SEC63: variants seen among roughly 807,000 people sequenced by gnomAD.
SEC63 encodes the protein SEC63 protein translocation regulator, also known as translocation protein SEC63 homolog.
A neutral mutation model predicts 116.2 loss-of-function variants in SEC63; 56 were observed. The observed-to-expected ratio is 0.48, with a 90% CI of 0.39 to 0.60. The LOEUF (loss-of-function observed/expected upper bound fraction) is 0.60, where lower values mean the gene tolerates loss of function less well. SEC63 is among the 20% of genes least tolerant of loss of function. The probability of loss-of-function intolerance (pLI) is 0.00; values close to 1 mark genes in which losing one functional copy is unlikely to be tolerated. For synonymous variants in SEC63, 273 were observed against 294.6 expected (o/e 0.93, Z 0.75); for missense variants, 668 against 900.0 (o/e 0.74, Z 3.30).
At chr6:107,935,963 C>T (rs1205859136) in intron 1 of SEC63, among the ~76,000 whole-genome samples, 1 of 152,086 alleles carries the variant, frequency 6.6e-6, no homozygotes, top group East Asian at 1.9e-4. Context: ...GTTTAGAGAA[C>T]ACTTTTGAAA....
At chr6:107,916,187 T>C (rs1468650263) in intron 4 of SEC63, among the ~76,000 whole-genome samples, 1 of 152,244 alleles carries the variant, frequency 6.6e-6, no homozygotes, top group Non-Finnish European at 1.5e-5. Flanking sequence ...GCTACCTGAC[T>C]TCCTCTGGAA....
intron 1 of SEC63, among the ~76,000 whole-genome samples, chr6:107,940,614 C>T (rs541635661): frequency 2.0e-5 from 3 of 151,988 alleles, no homozygotes; most frequent in South Asian, 2.1e-4. Context: ...ATTTAAAGTG[C>T]GCGCACACAT....
At position 107,942,847 on chromosome 6, in the gene SEC63, ACT is replaced by A. The variant is rs763459954; in HGVS notation, c.125-13335_125-13334del. ...AAGGAAGAGAAAATATATTTACAGTACTGTTATTAATACCTTAAGTTTATGTC... is the reference window on the plus strand; with the variant it reads ...AAGGAAGAGAAAATATATTTACAGTAGTTATTAATACCTTAAGTTTATGTC... On this transcript the variant is annotated intron_variant, in intron 1 of 20. Transcript: ENST00000369002. 2.6e-5 allele frequency among the ~76,000 whole-genome samples: 4 copies of A among 152,366 alleles called. No individual in the cohort carries two copies. In the Middle Eastern group the frequency reaches 0.01, roughly 389 times the overall value.
At chr6:107,886,324 CTGTA>C (rs1359153277) in intron 16 of SEC63, among the ~76,000 whole-genome samples, 2 of 152,274 alleles carry the variant, frequency 1.3e-5, no homozygotes, top group East Asian at 3.9e-4. Flanking sequence ...AAACATACAT[CTGTA>C]TGTGTCTTTA....
intron 1 of SEC63, 80 bp from the exon 2 acceptor site, chr6:107,929,594 C>T (rs2114487879): frequency 1.3e-6 from 1 of 791,916 alleles, no homozygotes; most frequent in East Asian, 2.5e-5. Flanking sequence ...GTTAACTAAC[C>T]TTCATTACCA....
chr6:107,921,914 G>GA lies in SEC63; in HGVS notation c.340-6_340-5insT. 7.5e-7 allele frequency: 1 copy of GA among 1,329,010 alleles called. No individual in the cohort carries two copies. Among genetic ancestry groups the GA allele is most frequent in the Admixed American group, 2.4e-5 (1 of 42,322 alleles). 82.3% of individuals were successfully genotyped at this position (1,329,010 alleles called of 1,614,324 possible). A position where few individuals can be genotyped will look rare whatever the true frequency, so the allele number is the denominator to read the frequency against. ...AATTTCTGCTACTGTGGCTCCCTGG[G>GA]GAAAAACAAAAAAAAAAAACAAGCT... On this transcript the variant is annotated splice_region_variant and splice_polypyrimidine_tract_variant and intron_variant, in intron 3 of 20. Transcript: ENST00000369002.
intron 14 of SEC63, among the ~76,000 whole-genome samples, chr6:107,895,591 A>C (rs867881982): frequency 2.6e-5 from 4 of 152,252 alleles, no homozygotes; most frequent in South Asian, 4.1e-4. Context: ...AATTTTAGGC[A>C]TGGGATATAA....
At chr6:107,930,173 CTTTTTTTTTTT>C (rs1206634310) in intron 1 of SEC63, 1 of 89,292 alleles carries the variant, frequency 1.1e-5, no homozygotes, top group African/African-American at 4.4e-5. Context: ...GCAAAGTATT[CTTTTTTTTTTT>C]TTTTTTTTTT....
intron 4 of SEC63, among the ~76,000 whole-genome samples, chr6:107,919,384 T>C (rs1787493491): frequency 6.6e-6 from 1 of 152,224 alleles, no homozygotes; most frequent in Admixed American, 6.5e-5. Context: ...CTTCTTATAG[T>C]TGAGCAAAGT....
intron 4 of SEC63, 52 bp from the exon 5 acceptor site, chr6:107,913,479 A>C (rs748589980): frequency 3.2e-6 from 4 of 1,267,014 alleles, no homozygotes; most frequent in Non-Finnish European, 3.5e-6. Flanking sequence ...TCTGAAAAAC[A>C]AGTACTCATA....
intron 5 of SEC63, 105 bp from the exon 6 acceptor site, chr6:107,912,879 C>A: frequency 1.2e-6 from 1 of 848,344 alleles, no homozygotes; most frequent in Non-Finnish European, 1.9e-6. Flanking sequence ...CTCTCCCCCA[C>A]AACACAAAAA....
intron 1 of SEC63, among the ~76,000 whole-genome samples, chr6:107,950,726 G>T (rs922274956): frequency 6.6e-6 from 1 of 152,098 alleles, no homozygotes; most frequent in East Asian, 1.9e-4. Context: ...TCAAAACCAG[G>T]CATTTTGAAA....
chr6:107,874,999 G>A (rs1284199420), intron 19 of SEC63, among the ~76,000 whole-genome samples: 1 of 152,124 alleles, frequency 6.6e-6, no homozygotes, highest in African/African-American at 2.4e-5. Context: ...CATTGTAGTA[G>A]GCCTATGGAG....
chr6:107,875,650 A>G (rs1187036987), intron 19 of SEC63, among the ~76,000 whole-genome samples: 1 of 152,102 alleles, frequency 6.6e-6, no homozygotes, highest in Non-Finnish European at 1.5e-5. Context: ...CAGTGAGCCG[A>G]TATTGTACCA....
intron 3 of SEC63, among the ~76,000 whole-genome samples, chr6:107,924,259 G>A (rs2818194): frequency 0.026 from 3,538 of 136,010 alleles, 118 homozygotes; most frequent in African/African-American, 0.09. Context: ...GCAAAACTCC[G>A]TCTCAAAAAA....
rs554456645 is a variant in SEC63, at chr6:107,893,895, T to C, written c.1443A>G (p.Glu481=). 6.2e-7 allele frequency: 1 copy of C among 1,614,070 alleles called. No individual in the cohort carries two copies. Among genetic ancestry groups the C allele is most frequent in the East Asian group, 2.2e-5 (1 of 44,868 alleles). ...LVKLTRQTMA[E]VFEKEQSICA... The stretch of plus-strand genomic sequence containing the variant: ...AGATGGACTGCTCCTTTTCAAATAC[T>C]TCCTGGGGGGCGGCAAGAAGAGAAA... The change falls in exon 15 of 21, where the codon GAA becomes GAG. Residue 481 remains glutamate (E), a splice_region_variant and synonymous_variant. Coordinates refer to ENST00000369002, the MANE Select transcript of SEC63 (RefSeq NM_007214.5).
At chr6:107,904,091 C>G (rs199653558) in intron 11 of SEC63, among the ~76,000 whole-genome samples, 1 of 144,418 alleles carries the variant, frequency 6.9e-6, no homozygotes, top group African/African-American at 2.6e-5. Flanking sequence ...GCACTCCAGC[C>G]TAGGCGACAG....
At chr6:107,923,329 GT>G (rs886505290) in intron 3 of SEC63, among the ~76,000 whole-genome samples, 1 of 152,034 alleles carries the variant, frequency 6.6e-6, no homozygotes, top group African/African-American at 2.4e-5. Flanking sequence ...GCCCAGGCTG[GT>G]CTCAAACTCT....
At chr6:107,896,190 G>A (rs1002380308) in intron 14 of SEC63, among the ~76,000 whole-genome samples, 3 of 150,708 alleles carry the variant, frequency 2.0e-5, no homozygotes, top group East Asian at 2.0e-4. Flanking sequence ...TAGGCTGGGC[G>A]CAGTTGCTCA....
Sources: allele counts gnomAD v4.1 joint callset (sites outside exome capture counted in the v4.1 genomes callset), GRCh38; gene constraint gnomAD v4.1.1; transcripts MANE v1.5; gene names NCBI Gene and HGNC (gene_info 2026-07-23, HGNC 2026-07-21).